Variants in KIAA1217 observed in about 807,000 individuals in gnomAD.
KIAA1217 encodes the protein KIAA1217.
A neutral mutation model predicts 163.9 loss-of-function variants in KIAA1217; 88 were observed. The ratio of observed to expected loss-of-function variants is 0.54; its 90% CI spans 0.45 to 0.64. KIAA1217 has a LOEUF of 0.64. Ranked by LOEUF, KIAA1217 falls within the 30% of genes least tolerant of loss-of-function variation. The pLI is 0.00. For missense variants in KIAA1217, 2,372 were observed against 2,475.0 expected (o/e 0.96, Z 0.88); for synonymous variants, 903 against 923.1 (o/e 0.98, Z 0.39).
intron 3 of KIAA1217, among the ~76,000 whole-genome samples, chr10:24,384,423 G>T (rs1190754650): frequency 2.6e-5 from 4 of 151,992 alleles, no homozygotes; most frequent in African/African-American, 9.7e-5. Flanking sequence ...CTACTAGAGT[G>T]GTACGTTTGT....
chr10:24,115,653 GCT>G (rs2063023074), intron 2 of KIAA1217, among the ~76,000 whole-genome samples: 1 of 152,192 alleles, frequency 6.6e-6, no homozygotes, highest in Non-Finnish European at 1.5e-5. Flanking sequence ...GCTCCCAGTA[GCT>G]CTAAGAGCAG....
intron 2 of KIAA1217, among the ~76,000 whole-genome samples, chr10:24,295,357 A>G (rs1237518706): frequency 2.0e-5 from 3 of 152,200 alleles, no homozygotes; most frequent in African/African-American, 4.8e-5. Flanking sequence ...TTATTCAAGT[A>G]AGATCCAATA....
chr10:24,267,532 T>G (rs1439141691), intron 2 of KIAA1217, among the ~76,000 whole-genome samples: 1 of 152,162 alleles, frequency 6.6e-6, no homozygotes, highest in Non-Finnish European at 1.5e-5. Context: ...ACGCTAGTCT[T>G]GAACTCCTGG....
At chr10:23,770,258 AT>A (rs1834733849) in intron 1 of KIAA1217, among the ~76,000 whole-genome samples, 1 of 152,176 alleles carries the variant, frequency 6.6e-6, no homozygotes, top group South Asian at 2.1e-4. Flanking sequence ...GGTGGTTACC[AT>A]GTCTTCTACA....
chr10:23,834,638 A>C (rs780613039), intron 1 of KIAA1217, among the ~76,000 whole-genome samples: 12 of 152,178 alleles, frequency 7.9e-5, no homozygotes, highest in Admixed American at 2.6e-4. Flanking sequence ...TCTTCATTAA[A>C]ATGGCAAGGG....
chr10:24,523,309 G>A (rs576194277), intron 12 of KIAA1217, among the ~76,000 whole-genome samples: 7 of 152,222 alleles, frequency 4.6e-5, no homozygotes, highest in South Asian at 4.1e-4. Flanking sequence ...GCAACAGAGC[G>A]AGGCCCTGTT....
intron 1 of KIAA1217, among the ~76,000 whole-genome samples, chr10:24,006,034 C>T (rs1428256899): frequency 6.6e-6 from 1 of 152,180 alleles, no homozygotes; most frequent in African/African-American, 2.4e-5. Context: ...CTACTCATCT[C>T]TCCTGTGTTA....
At chr10:24,535,118 G>C (rs1025592031) in intron 16 of KIAA1217, among the ~76,000 whole-genome samples, 1 of 152,184 alleles carries the variant, frequency 6.6e-6, no homozygotes, top group Non-Finnish European at 1.5e-5. Context: ...CACATCTCCA[G>C]GCATCAGAAG....
intron 2 of KIAA1217, among the ~76,000 whole-genome samples, chr10:24,093,933 G>C (rs1193080632): frequency 6.6e-6 from 1 of 151,554 alleles, no homozygotes; most frequent in South Asian, 2.1e-4. Context: ...AGTTTACTGA[G>C]AATGATGATT....
intron 2 of KIAA1217, among the ~76,000 whole-genome samples, chr10:24,199,255 C>T (rs1177709187): frequency 2.6e-5 from 4 of 152,016 alleles, no homozygotes; most frequent in African/African-American, 4.8e-5. Context: ...ATTAAATAAA[C>T]AAAACATTTT....
chr10:24,501,620 T>C, intron 9 of KIAA1217, 75 bp downstream of exon 9: 1 of 1,390,576 alleles, frequency 7.2e-7, no homozygotes, highest in Non-Finnish European at 9.9e-7. Context: ...AGGGGCTCCG[T>C]GAAGACCTAG....
Position 24,494,105 on chromosome 10 carries a change from G to A in KIAA1217, c.1680-395G>A, listed in dbSNP as rs758908353. On this transcript the variant is annotated intron_variant, in intron 6 of 20. Coordinates refer to ENST00000376454, the MANE Select transcript of KIAA1217 (RefSeq NM_019590.5). ...CCGCAGCCTCCCAGCTGAGGTGTAC[G>A]GCATAGAAATGTGTGCAGCTAGGTG... Among the ~76,000 whole-genome samples, 9 of 152,320 alleles carry A rather than the reference G, an allele frequency of 5.9e-5. No homozygotes were observed. The South Asian group carries it at 8.3e-4, about 14-fold the overall frequency.
chr10:24,042,396 GA>G (rs2131559879), intron 2 of KIAA1217: 1 of 152,302 alleles, frequency 6.6e-6, no homozygotes, highest in South Asian at 2.1e-4. Context: ...CAGCTTAGGT[GA>G]GAAGATTTTG....
intron 1 of KIAA1217, among the ~76,000 whole-genome samples, chr10:23,993,545 T>A (rs1282670520): frequency 1.4e-5 from 2 of 146,574 alleles, no homozygotes; most frequent in Non-Finnish European, 1.5e-5. Context: ...TGGCTCTCCA[T>A]AGCCCAGCTT....
chr10:23,941,522 T>G (rs532659462), intron 1 of KIAA1217, among the ~76,000 whole-genome samples: 1 of 152,258 alleles, frequency 6.6e-6, no homozygotes, highest in South Asian at 2.1e-4. Flanking sequence ...TAGCACTGGA[T>G]GATGAGAACT....
chr10:24,514,788 G>A (rs1215513056), intron 10 of KIAA1217, among the ~76,000 whole-genome samples: 4 of 151,858 alleles, frequency 2.6e-5, no homozygotes, highest in Non-Finnish European at 5.9e-5. Context: ...TCAGGAGTTC[G>A]AGACCAGCCT....
chr10:23,890,269 G>T (rs1057036128), intron 1 of KIAA1217, among the ~76,000 whole-genome samples: 1 of 151,136 alleles, frequency 6.6e-6, no homozygotes, highest in African/African-American at 2.4e-5. Context: ...TGTTCACTCT[G>T]GGATTAGTTC....
At chr10:24,308,643 C>A (rs2042273973) in intron 2 of KIAA1217, among the ~76,000 whole-genome samples, 1 of 152,148 alleles carries the variant, frequency 6.6e-6, no homozygotes, top group South Asian at 2.1e-4. Flanking sequence ...CTGTGCGTAT[C>A]CATCATAAAC....
chr10:24,225,033 G>A (rs769178917), intron 2 of KIAA1217, among the ~76,000 whole-genome samples: 7 of 152,144 alleles, frequency 4.6e-5, no homozygotes, highest in East Asian at 1.9e-4. Flanking sequence ...CACTGTGTTA[G>A]CCAGGATGGT....
Sources: gnomAD v4.1 joint callset for allele counts (sites outside exome capture counted in the v4.1 genomes callset) on GRCh38, gnomAD v4.1.1 for gene constraint, MANE v1.5 for transcripts, NCBI Gene and HGNC (gene_info 2026-07-23, HGNC 2026-07-21) for gene names.